TUBGCP3: variants seen among roughly 807,000 people sequenced by gnomAD.
The protein encoded by TUBGCP3 is tubulin gamma complex component 3.
A neutral mutation model predicts 123.1 loss-of-function variants in TUBGCP3; 50 were observed. The ratio of observed to expected loss-of-function variants is 0.41; its 90% CI spans 0.32 to 0.51. The LOEUF (loss-of-function observed/expected upper bound fraction) is 0.51, where lower values mean the gene tolerates loss of function less well. Among genes scored for constraint, TUBGCP3 ranks in the 20% least tolerant of loss-of-function variants. TUBGCP3 has a pLI of 0.36. For synonymous variants in TUBGCP3, 405 were observed against 413.9 expected, an observed-to-expected ratio of 0.98 and a Z score of 0.26; for missense variants, 882 against 1,127.0, an observed-to-expected ratio of 0.78 and a Z score of 3.11.
chr13:112,509,549 A>T (rs1172944214), intron 17 of TUBGCP3, among the ~76,000 whole-genome samples: 1 of 152,234 alleles, frequency 6.6e-6, no homozygotes, highest in Non-Finnish European at 1.5e-5. Context: ...TTACAGTCTT[A>T]AAGTACTACC....
Position 112,519,921 on chromosome 13 carries a change from C to T in TUBGCP3, c.1846G>A (p.Glu616Lys). 1 of 1,613,968 alleles carries T rather than the reference C, an allele frequency of 6.2e-7. No homozygotes were observed. Among genetic ancestry groups the T allele is most frequent in the Non-Finnish European group, 8.5e-7 (1 of 1,179,870 alleles). The change falls in exon 15 of 22, where the codon GAG (glutamate) becomes AAG (lysine). Residue 616 changes from glutamate to lysine, a missense_variant. Physicochemically the swap from Glu to Lys is moderately conservative, Grantham distance 56 (BLOSUM62 1). Around this residue, in one of 3 missense-constraint regions of TUBGCP3, gnomAD observed 713 missense variants for 874.0 expected, o/e 0.82. Coordinates refer to ENST00000261965, the MANE Select transcript of TUBGCP3 (RefSeq NM_006322.6). This position sits in a 1 kb window ranked among gnomAD's most constrained non-coding sequence, Gnocchi z 6.2. ...RATNAQFDSPEILRRLDVRLL... is the reference protein window; with the variant it reads ...RATNAQFDSPKILRRLDVRLL... ...CGCACGTCCAGCCTTCGCAGGATCT[C>T]AGGACTGTCAAACTGTGCGTTGGTG...
chr13:112,492,540 C>T (rs751331796), intron 20 of TUBGCP3, among the ~76,000 whole-genome samples: 1 of 152,258 alleles, frequency 6.6e-6, no homozygotes. Flanking sequence ...ACCTCTCCCC[C>T]CAGAGGAGCC....
At chr13:112,536,104 T>C (rs938570093) in intron 11 of TUBGCP3, among the ~76,000 whole-genome samples, 3 of 152,278 alleles carry the variant, frequency 2.0e-5, no homozygotes, top group Non-Finnish European at 4.4e-5. Flanking sequence ...TTCTAGTCCA[T>C]TGACCCAGAG....
chr13:112,580,386 A>G (rs1314089465), intron 1 of TUBGCP3, among the ~76,000 whole-genome samples: 2 of 152,162 alleles, frequency 1.3e-5, no homozygotes, highest in Non-Finnish European at 2.9e-5. Context: ...CTGTAATTGC[A>G]ACACTTTCAG....
intron 11 of TUBGCP3, among the ~76,000 whole-genome samples, chr13:112,538,248 C>A (rs1283057227): frequency 6.6e-6 from 1 of 152,208 alleles, no homozygotes; most frequent in African/African-American, 2.4e-5. Context: ...TGCAGTATTT[C>A]TGATATCAGA....
Position 112,558,400 on chromosome 13 carries a change from G to C in TUBGCP3, c.344C>G (p.Ala115Gly). The change falls in exon 5 of 22, where the codon GCT (alanine) becomes GGT (glycine). Residue 115 changes from alanine to glycine, a missense_variant. By Grantham distance (60) the Ala-to-Gly change is moderately conservative. Coordinates refer to ENST00000261965, the MANE Select transcript of TUBGCP3 (RefSeq NM_006322.6). Reference sequence around the variant, plus strand: ...TGGTAAGGCCTGAGCAAATAACGTAGCATAGCTAGAAACCTGAAAAGAGAA... The same window carrying C: ...TGGTAAGGCCTGAGCAAATAACGTACCATAGCTAGAAACCTGAAAAGAGAA... ...RRQPSKVSSY[A>G]TLFAQALPRD... is the part of the protein sequence containing the mutation. 1.9e-6 allele frequency: 3 copies of C among 1,565,384 alleles called. No homozygotes were observed. The highest frequency in any genetic ancestry group is 2.6e-6 in the Non-Finnish European group (3 of 1,146,184).
At chr13:112,520,538 G>GA (rs201280831) in intron 14 of TUBGCP3, among the ~76,000 whole-genome samples, 17 of 149,952 alleles carry the variant, frequency 1.1e-4, no homozygotes, top group African/African-American at 3.4e-4. Context: ...TCAAAAAAAA[G>GA]AAAAAAAAAG....
chr13:112,498,688 G>GTGCACGA, intron 20 of TUBGCP3: 1 of 1,346,654 alleles, frequency 7.4e-7, no homozygotes, highest in South Asian at 1.5e-5. Context: ...ATGCAGCATG[G>GTGCACGA]TGCACGATCC....
intron 17 of TUBGCP3, among the ~76,000 whole-genome samples, chr13:112,513,062 C>T (rs1289775954): frequency 6.6e-6 from 1 of 152,028 alleles, no homozygotes; most frequent in East Asian, 1.9e-4. Flanking sequence ...ATTTCAATGC[C>T]ACTGTTTTGA....
At chr13:112,499,316 G>A in intron 19 of TUBGCP3, 131 bp from the exon 20 acceptor site, 2 of 1,162,496 alleles carry the variant, frequency 1.7e-6, no homozygotes, top group Non-Finnish European at 2.4e-6. Context: ...TTCATTAGCT[G>A]TTCATTCATT....
At chr13:112,551,184 A>C (rs1240190646) in intron 8 of TUBGCP3, among the ~76,000 whole-genome samples, 2 of 152,250 alleles carry the variant, frequency 1.3e-5, no homozygotes, top group Non-Finnish European at 2.9e-5. Context: ...ATACAGGTGT[A>C]TGTGAGTCAG....
At chr13:112,543,571 T>C (rs1375760624) in intron 11 of TUBGCP3, among the ~76,000 whole-genome samples, 2 of 152,154 alleles carry the variant, frequency 1.3e-5, no homozygotes, top group Non-Finnish European at 2.9e-5. Flanking sequence ...TTTCAAACCA[T>C]AGAGTCATTT....
chr13:112,601,185 TAAAAAAA>T, the TUBGCP3 span, among the ~76,000 whole-genome samples: 3 of 86,492 alleles, frequency 3.5e-5, no homozygotes, highest in African/African-American at 9.6e-5. Flanking sequence ...AGATTCTGTC[TAAAAAAA>T]AAAAAAAAAA....
At chr13:112,547,206 G>A (rs1448828506) in intron 10 of TUBGCP3, 6 of 384,980 alleles carry the variant, frequency 1.6e-5, no homozygotes, top group Non-Finnish European at 2.8e-5. Context: ...AAAATGCAAG[G>A]AAAGGCGACC....
chr13:112,565,990 T>C (rs762341015), intron 2 of TUBGCP3, among the ~76,000 whole-genome samples: 5 of 152,128 alleles, frequency 3.3e-5, no homozygotes, highest in Non-Finnish European at 7.4e-5. Context: ...GTATTAAATG[T>C]CATACTCACT....
intron 5 of TUBGCP3, among the ~76,000 whole-genome samples, chr13:112,557,942 A>G (rs1880178298): frequency 1.3e-5 from 2 of 152,238 alleles, no homozygotes; most frequent in South Asian, 4.1e-4. Context: ...CTCCTTCGTG[A>G]TGGGCACTTC....
rs146263233 is a variant in TUBGCP3, at chr13:112,585,997, C to T, written c.76+1908G>A. 5.9e-5 allele frequency among the ~76,000 whole-genome samples: 9 copies of T among 151,724 alleles called. No homozygotes were observed. In the East Asian group the frequency reaches 1.8e-3, roughly 30 times the overall value. On this transcript the variant is annotated intron_variant, in intron 1 of 21. Coordinates refer to ENST00000261965, the MANE Select transcript of TUBGCP3 (RefSeq NM_006322.6). ...GCTCACACCTCTAATCCCAGCACTT[C>T]GGGAGGCCGAGGCGGGTGCATCACG...
intron 1 of TUBGCP3, among the ~76,000 whole-genome samples, chr13:112,572,782 A>G (rs1209730891): frequency 2.0e-5 from 3 of 152,248 alleles, no homozygotes; most frequent in Non-Finnish European, 4.4e-5. Flanking sequence ...AGATGTAATA[A>G]TCATGAAAAA....
At chr13:112,496,346 G>A (rs575711359) in intron 20 of TUBGCP3, among the ~76,000 whole-genome samples, 36 of 152,336 alleles carry the variant, frequency 2.4e-4, no homozygotes, top group African/African-American at 8.4e-4. Flanking sequence ...AGAACATGGT[G>A]GCACCAGGGG....
Sources: allele counts gnomAD v4.1 joint callset (sites outside exome capture counted in the v4.1 genomes callset), GRCh38; gene constraint gnomAD v4.1.1; regional missense constraint gnomAD v4.1.1; non-coding constraint Gnocchi (gnomAD v3.1); transcripts MANE v1.5; gene names NCBI Gene and HGNC (gene_info 2026-07-23, HGNC 2026-07-21).